The following TMEM132D variants were observed in gnomAD, a reference collection of about 807,000 sequenced individuals.
TMEM132D encodes mature OL transmembrane protein.
Under a neutral mutation model 62.3 loss-of-function variants are expected in TMEM132D, and 21 were observed. That is an observed-to-expected ratio of 0.34 (90% CI 0.24 to 0.49). TMEM132D has a LOEUF of 0.49. Among genes scored for constraint, TMEM132D ranks in the 20% least tolerant of loss-of-function variants. The probability of loss-of-function intolerance (pLI) is 0.99; values close to 1 mark genes in which losing one functional copy is unlikely to be tolerated. For missense variants in TMEM132D, 1,346 were observed against 1,402.8 expected (o/e 0.96, Z 0.65); for synonymous variants, 621 against 575.6 (o/e 1.08, Z -1.13).
intron 1 of TMEM132D, among the ~76,000 whole-genome samples, chr12:129,813,329 CAT>C (rs1262362658): frequency 2.6e-5 from 4 of 151,780 alleles, no homozygotes; most frequent in African/African-American, 9.7e-5. Context: ...TTGAAACAAA[CAT>C]AAATAAGACC....
intron 3 of TMEM132D, among the ~76,000 whole-genome samples, chr12:129,457,064 G>T (rs7488801): frequency 6.6e-6 from 1 of 151,218 alleles, no homozygotes; most frequent in Non-Finnish European, 1.5e-5. Context: ...TAGAAATACC[G>T]TTTGACCCAG....
rs1881926964 is a variant in TMEM132D, at chr12:129,309,735, C to T, written c.1299+27899G>A. 5.3e-5 allele frequency among the ~76,000 whole-genome samples: 8 copies of T among 151,976 alleles called. No homozygotes were observed. The South Asian group carries it at 1.7e-3, about 32-fold the overall frequency. On this transcript the variant is annotated intron_variant, in intron 4 of 8. Coordinates refer to ENST00000422113, the MANE Select transcript of TMEM132D (RefSeq NM_133448.3). ...AAAAATTTAGATGTGTTCAATAAAG[C>T]TCTCATTGGGAAGAGAAGCATGGTG...
intron 4 of TMEM132D, among the ~76,000 whole-genome samples, chr12:129,229,428 T>C (rs1280334114): frequency 6.6e-6 from 1 of 152,350 alleles, no homozygotes; most frequent in East Asian, 1.9e-4. Context: ...ATTTAATTTA[T>C]GTCTGTTGAT....
intron 1 of TMEM132D, among the ~76,000 whole-genome samples, chr12:129,828,762 G>A (rs1365343694): frequency 3.4e-5 from 3 of 88,796 alleles, no homozygotes; most frequent in Non-Finnish European, 4.9e-5. Flanking sequence ...GAGGAAAGGA[G>A]GGAGGGAGGG....
At chr12:129,591,237 G>C (rs1004178936) in intron 2 of TMEM132D, among the ~76,000 whole-genome samples, 1 of 152,168 alleles carries the variant, frequency 6.6e-6, no homozygotes. Context: ...CCTCATCATG[G>C]CTTCCAAAGA....
At chr12:129,355,312 C>T (rs950249444) in intron 3 of TMEM132D, among the ~76,000 whole-genome samples, 17 of 151,798 alleles carry the variant, frequency 1.1e-4, no homozygotes, top group Admixed American at 3.3e-4. Flanking sequence ...AGAATAGAAA[C>T]TCAACATAGT....
chr12:129,218,053 C>T (rs1006522861), intron 4 of TMEM132D, among the ~76,000 whole-genome samples: 14 of 152,126 alleles, frequency 9.2e-5, no homozygotes, highest in African/African-American at 3.4e-4. Flanking sequence ...GGGAGTGAGG[C>T]CGGGTCAAGA....
chr12:129,748,026 C>G (rs1294472739), intron 1 of TMEM132D, among the ~76,000 whole-genome samples: 1 of 152,170 alleles, frequency 6.6e-6, no homozygotes, highest in African/African-American at 2.4e-5. Context: ...GCAGGCAAGA[C>G]CCTGTTTTCT....
chr12:129,836,590 G>A (rs1593181246), intron 1 of TMEM132D, among the ~76,000 whole-genome samples: 1 of 152,096 alleles, frequency 6.6e-6, no homozygotes, highest in African/African-American at 2.4e-5. Context: ...TTTCATAAAT[G>A]TAAAGATGTA....
At chr12:129,858,696 A>G (rs368241626) in intron 1 of TMEM132D, among the ~76,000 whole-genome samples, 22 of 16,274 alleles carry the variant, frequency 1.4e-3, no homozygotes, top group East Asian at 3.1e-3. Flanking sequence ...GAGTCCGGGG[A>G]AACGGGATGG....
intron 4 of TMEM132D, chr12:129,212,396 GT>G (rs1879081058): frequency 6.6e-6 from 1 of 152,172 alleles, no homozygotes; most frequent in South Asian, 2.1e-4. Context: ...CGAATTTTCT[GT>G]TTTGGACAGC....
At chr12:129,540,559 C>CA (rs1235845040) in intron 2 of TMEM132D, among the ~76,000 whole-genome samples, 1 of 151,888 alleles carries the variant, frequency 6.6e-6, no homozygotes, top group East Asian at 1.9e-4. Flanking sequence ...GATCTCCACT[C>CA]ACTGCAACCT....
chr12:129,157,554 A>T (rs1413482667), intron 5 of TMEM132D, among the ~76,000 whole-genome samples: 1 of 152,230 alleles, frequency 6.6e-6, no homozygotes, highest in Non-Finnish European at 1.5e-5. Context: ...TATTTTTATG[A>T]ATTGAAAATA....
chr12:129,783,983 C>T (rs555274327), intron 1 of TMEM132D, among the ~76,000 whole-genome samples: 1 of 152,310 alleles, frequency 6.6e-6, no homozygotes, highest in South Asian at 2.1e-4. Flanking sequence ...CCATCCCGTT[C>T]CCTCTTCCAG....
intron 1 of TMEM132D, among the ~76,000 whole-genome samples, chr12:129,744,662 T>C (rs1358075018): frequency 1.3e-5 from 2 of 151,998 alleles, no homozygotes; most frequent in African/African-American, 4.8e-5. Context: ...CTGAGTAAAC[T>C]TGAGAGTGAG....
chr12:129,668,460 C>T (rs191825197), intron 2 of TMEM132D, among the ~76,000 whole-genome samples: 2 of 151,704 alleles, frequency 1.3e-5, no homozygotes, highest in African/African-American at 4.8e-5. Context: ...AGATGTACGA[C>T]CCTGACTGCA....
intron 5 of TMEM132D, among the ~76,000 whole-genome samples, chr12:129,166,826 G>A (rs1038989384): frequency 2.0e-5 from 3 of 148,924 alleles, no homozygotes; most frequent in East Asian, 2.0e-4. Context: ...TTGTCAACTC[G>A]GAAGACACAA....
At chr12:129,213,155 A>G (rs1238637413) in intron 4 of TMEM132D, among the ~76,000 whole-genome samples, 1 of 152,140 alleles carries the variant, frequency 6.6e-6, no homozygotes, top group Non-Finnish European at 1.5e-5. Flanking sequence ...CACGACATAT[A>G]TTGTATATTC....
At chr12:129,478,459 A>G (rs1197049103) in intron 3 of TMEM132D, among the ~76,000 whole-genome samples, 1 of 152,242 alleles carries the variant, frequency 6.6e-6, no homozygotes, top group Non-Finnish European at 1.5e-5. Flanking sequence ...ATCACTATGC[A>G]TTGCATGACT....
Sources: allele counts gnomAD v4.1 joint callset (sites outside exome capture counted in the v4.1 genomes callset), GRCh38; gene constraint gnomAD v4.1.1; transcripts MANE v1.5; gene names NCBI Gene and HGNC (gene_info 2026-07-23, HGNC 2026-07-21).